SENP2: variants seen among roughly 807,000 people sequenced by gnomAD.
SENP2 encodes the protein SUMO specific peptidase 2.
In SENP2, 16 loss-of-function variants were observed where a neutral mutation model predicts 86.3. The observed-to-expected ratio is 0.19, with a 90% CI of 0.13 to 0.28. The LOEUF is 0.28. Among genes scored for constraint, SENP2 ranks in the 10% least tolerant of loss-of-function variants. SENP2 has a pLI of 1.00. For synonymous variants in SENP2, 222 were observed against 238.7 expected (o/e 0.93, Z 0.64); for missense variants, 552 against 703.0 (o/e 0.79, Z 2.43).
In SENP2 at chr3:185,617,604, A is replaced by G. The variant is rs1474084749; in HGVS notation, c.1235A>G (p.Asn412Ser). The stretch of plus-strand genomic sequence containing the variant: ...ACATTAAAGAACTATCACTGGCTCA[A>G]TGATGAAGTAAGTTGTATTCCCTCC... Reference protein sequence around the residue: ...IQTLKNYHWLNDEVINFYMNL... With the variant: ...IQTLKNYHWLSDEVINFYMNL... Residue 412 changes from asparagine (N) to serine (S), a missense_variant, in exon 12 of 17, where the codon AAT (asparagine) becomes AGT (serine). Physicochemically the swap from Asn to Ser is conservative, Grantham distance 46 (BLOSUM62 1). Around this residue, in one of 2 missense-constraint regions of SENP2, gnomAD observed 169 missense variants for 275.7 expected, o/e 0.61. Transcript: ENST00000296257. The G allele has an allele frequency of 4.3e-6, 7 of 1,613,120 alleles. No homozygotes were observed. The highest frequency in any genetic ancestry group is 1.1e-5 in the South Asian group (1 of 90,826).
At chr3:185,614,105 T>C (rs1711511088) in intron 10 of SENP2, among the ~76,000 whole-genome samples, 1 of 152,154 alleles carries the variant, frequency 6.6e-6, no homozygotes, top group Admixed American at 6.6e-5. Context: ...TCAAATTAAG[T>C]GGTACATTAA....
At chr3:185,605,582 C>A (rs1338352435) in intron 5 of SENP2, among the ~76,000 whole-genome samples, 3 of 151,906 alleles carry the variant, frequency 2.0e-5, no homozygotes, top group African/African-American at 7.3e-5. Context: ...TGCAACAACT[C>A]CTTGCCCTTT....
chr3:185,620,271 CTTGT>C (rs781399269), intron 13 of SENP2, among the ~76,000 whole-genome samples: 3 of 151,832 alleles, frequency 2.0e-5, no homozygotes, highest in Non-Finnish European at 4.4e-5. Flanking sequence ...AGACAAGAGT[CTTGT>C]TTTTTTGCCC....
At position 185,599,037 on chromosome 3, in the gene SENP2, A is replaced by G; in HGVS notation, c.358+13A>G. On this transcript the variant is annotated intron_variant, in intron 4 of 16. Coordinates refer to ENST00000296257, the MANE Select transcript of SENP2 (RefSeq NM_021627.3). ...ATGCTGAAACTGGGTGAGGTGGTCAAAAATATTTCTGTTTCCCGCTACCTC... is the reference window on the plus strand; with the variant it reads ...ATGCTGAAACTGGGTGAGGTGGTCAGAAATATTTCTGTTTCCCGCTACCTC... 4 of 1,604,754 alleles carry G rather than the reference A, an allele frequency of 2.5e-6. No homozygotes were observed. The highest frequency in any genetic ancestry group is 3.4e-6 in the Non-Finnish European group (4 of 1,174,624).
chr3:185,621,621 C>A (rs879372349), intron 13 of SENP2, among the ~76,000 whole-genome samples: 3 of 151,918 alleles, frequency 2.0e-5, no homozygotes, highest in Non-Finnish European at 4.4e-5. Context: ...AACTCCTGAC[C>A]TCATGATCCG....
At chr3:185,627,701 G>A (rs1712216985) in intron 16 of SENP2, among the ~76,000 whole-genome samples, 1 of 151,978 alleles carries the variant, frequency 6.6e-6, no homozygotes, top group Non-Finnish European at 1.5e-5. Flanking sequence ...GTGAGCCACC[G>A]CGCCTGGCCT....
chr3:185,600,502 C>T (rs182975515), intron 4 of SENP2, among the ~76,000 whole-genome samples: 47 of 152,310 alleles, frequency 3.1e-4, no homozygotes, highest in African/African-American at 1.1e-3. Flanking sequence ...GGCCTCTTAA[C>T]AGTCCCATCA....
At chr3:185,623,826 C>CAAAAAAAAAAA (rs63707460) in intron 14 of SENP2, among the ~76,000 whole-genome samples, 172 bp from the exon 15 acceptor site, 1 of 47,786 alleles carries the variant, frequency 2.1e-5, no homozygotes, top group Non-Finnish European at 3.9e-5. Context: ...GACTCTGTCT[C>CAAAAAAAAAAA]AAAAAAAAAA....
intron 9 of SENP2, 61 bp from the exon 10 acceptor site, chr3:185,613,284 A>G (rs2148990387): frequency 2.2e-6 from 2 of 924,642 alleles, no homozygotes; most frequent in South Asian, 1.5e-5. Flanking sequence ...TTCTAAAACT[A>G]GGATGTACTA....
At position 185,595,636 on chromosome 3, in the gene SENP2, G is replaced by A. The variant is rs542781407; in HGVS notation, c.158-2776G>A. 1.3e-4 allele frequency among the ~76,000 whole-genome samples: 20 copies of A among 152,164 alleles called. 2 individuals are homozygous for A. Among genetic ancestry groups the A allele is most frequent in the African/African-American group, 3.6e-4 (15 of 41,520 alleles). Reference sequence around the variant, plus strand: ...GATGTTCTGTTTTTCTCAAACTAGCGTCTTCAAATACCCTTAATTAGGACA... The same window carrying A: ...GATGTTCTGTTTTTCTCAAACTAGCATCTTCAAATACCCTTAATTAGGACA... On this transcript the variant is annotated intron_variant, in intron 2 of 16. Coordinates refer to ENST00000296257, the MANE Select transcript of SENP2 (RefSeq NM_021627.3).
At chr3:185,607,961 G>C (rs1360555147) in intron 6 of SENP2, among the ~76,000 whole-genome samples, 1 of 152,110 alleles carries the variant, frequency 6.6e-6, no homozygotes, top group African/African-American at 2.4e-5. Flanking sequence ...TTCCTTTTGA[G>C]GTTTTCTTTT....
At chr3:185,604,059 T>C (rs374574329) in intron 5 of SENP2, among the ~76,000 whole-genome samples, 17 of 152,260 alleles carry the variant, frequency 1.1e-4, no homozygotes, top group East Asian at 7.7e-4. Flanking sequence ...AGGCGGAGGT[T>C]GTAATGAGCT....
At chr3:185,613,306 T>C (rs548880446) in intron 9 of SENP2, 39 bp from the exon 10 acceptor site, 14 of 1,175,222 alleles carry the variant, frequency 1.2e-5, no homozygotes, top group Non-Finnish European at 1.8e-5. Flanking sequence ...GTTTGAATCA[T>C]CTAGCAGAAG....
intron 15 of SENP2, among the ~76,000 whole-genome samples, chr3:185,624,445 T>C (rs556388678): frequency 2.0e-5 from 3 of 152,338 alleles, no homozygotes; most frequent in African/African-American, 7.2e-5. Flanking sequence ...TCTCACAGAA[T>C]TGGGAAGAAA....
At chr3:185,588,937 C>T (rs1415300408) in intron 1 of SENP2, among the ~76,000 whole-genome samples, 1 of 152,134 alleles carries the variant, frequency 6.6e-6, no homozygotes, top group Non-Finnish European at 1.5e-5. Context: ...CTTTACTATA[C>T]TTTAGGTGTT....
chr3:185,627,267 G>GGTACATATCA (rs1712193916), intron 16 of SENP2, among the ~76,000 whole-genome samples: 3 of 152,082 alleles, frequency 2.0e-5, no homozygotes, highest in Admixed American at 2.0e-4. Context: ...ATTGGTTCCT[G>GGTACATATCA]TGTATTATTA....
intron 4 of SENP2, among the ~76,000 whole-genome samples, chr3:185,600,474 A>T (rs1373005092): frequency 6.6e-6 from 1 of 152,222 alleles, no homozygotes; most frequent in Non-Finnish European, 1.5e-5. Context: ...AGAGAGTTAT[A>T]ATCTTTGAGT....
In SENP2 at chr3:185,632,389, C is replaced by T. The variant is rs943117460; in HGVS notation, c.*2545C>T. 15 of 150,960 alleles carry T rather than the reference C, an allele frequency of 9.9e-5. No homozygotes were observed. The highest frequency in any genetic ancestry group is 3.7e-4 in the African/African-American group (15 of 40,916). 9.4% of individuals were successfully genotyped at this position (150,960 alleles called of 1,614,324 possible). A position where few individuals can be genotyped will look rare whatever the true frequency, so the allele number is the denominator to read the frequency against. On this transcript the variant is annotated 3_prime_UTR_variant, in exon 17 of 17. Transcript: ENST00000296257. ...AGCTGGGATTACAGGTGCCCACCAC[C>T]ACACCCTGCTAATTTTTGTACTTTT...
chr3:185,622,172 G>C (rs1037980809), intron 14 of SENP2, among the ~76,000 whole-genome samples: 1 of 152,132 alleles, frequency 6.6e-6, no homozygotes, highest in African/African-American at 2.4e-5. Context: ...GCATCGATAC[G>C]TTATTCTGAA....
Sources: allele counts gnomAD v4.1 joint callset (sites outside exome capture counted in the v4.1 genomes callset), GRCh38; gene constraint gnomAD v4.1.1; regional missense constraint gnomAD v4.1.1; transcripts MANE v1.5; gene names NCBI Gene and HGNC (gene_info 2026-07-23, HGNC 2026-07-21).